Variants in KIF11 observed in about 807,000 individuals in gnomAD.
KIF11 encodes the protein kinesin family member 11.
KIF11 carries 9 observed loss-of-function variants against 121.0 expected under a neutral mutation model. The observed-to-expected ratio is 0.07, with a 90% CI of 0.04 to 0.13. The LOEUF is 0.13. KIF11 is among the 10% of genes least tolerant of loss of function. The pLI is 1.00. For synonymous variants in KIF11, 408 were observed against 421.0 expected (o/e 0.97, Z 0.38); for missense variants, 846 against 1,217.5 (o/e 0.69, Z 4.54).
At chr10:92,626,965 T>C (rs979570771) in intron 10 of KIF11, among the ~76,000 whole-genome samples, 1 of 152,150 alleles carries the variant, frequency 6.6e-6, no homozygotes, top group Non-Finnish European at 1.5e-5. Flanking sequence ...GGTTTCACCA[T>C]GTTAGCCAGG....
intron 21 of KIF11, among the ~76,000 whole-genome samples, 170 bp from the exon 22 acceptor site, chr10:92,653,495 A>G (rs528137272): frequency 6.6e-6 from 1 of 152,352 alleles, no homozygotes; most frequent in South Asian, 2.1e-4. Flanking sequence ...TAAAGAAGGC[A>G]TTTGGCGCTA....
intron 10 of KIF11, among the ~76,000 whole-genome samples, chr10:92,627,397 ACTT>A (rs1273672421): frequency 6.6e-6 from 1 of 152,092 alleles, no homozygotes; most frequent in Non-Finnish European, 1.5e-5. Flanking sequence ...ACTTTTTATG[ACTT>A]CTTTTGACTT....
intron 1 of KIF11, among the ~76,000 whole-genome samples, chr10:92,601,235 C>G (rs963686827): frequency 2.6e-5 from 4 of 151,606 alleles, no homozygotes; most frequent in African/African-American, 9.7e-5. Flanking sequence ...GAGTCTCGCT[C>G]TGTTGCCCAG....
At chr10:92,612,206 G>T (rs1844505359) in intron 6 of KIF11, among the ~76,000 whole-genome samples, 1 of 151,874 alleles carries the variant, frequency 6.6e-6, no homozygotes, top group Admixed American at 6.6e-5. Context: ...CTCAATCATG[G>T]CTTACTGCAG....
chr10:92,648,880 AC>A (rs1429434140), intron 19 of KIF11, among the ~76,000 whole-genome samples: 4 of 152,180 alleles, frequency 2.6e-5, no homozygotes, highest in African/African-American at 9.7e-5. Flanking sequence ...ATCACCATGG[AC>A]CATTAGCATT....
chr10:92,613,093 A>G lies in KIF11; in HGVS notation c.752A>G (p.Asp251Gly). Residue 251 changes from aspartate (D) to glycine (G), a missense_variant, in exon 7 of 22, where the codon GAT becomes GGT. By Grantham distance (94) the Asp-to-Gly change is moderately conservative. Around this residue, in one of 5 missense-constraint regions of KIF11, gnomAD observed 116 missense variants for 285.3 expected, o/e 0.41. Transcript: ENST00000260731. The surrounding 1 kb of genome is among the most constrained non-coding windows in gnomAD (Gnocchi z 4.2). ...ATACATATGAAAGAAACTACGATTGATGGAGAAGAGCTTGTTAAAATCGGA... is the reference window on the plus strand; with the variant it reads ...ATACATATGAAAGAAACTACGATTGGTGGAGAAGAGCTTGTTAAAATCGGA... ...VTIHMKETTI[D>G]GEELVKIGKL... 6.2e-7 allele frequency: 1 copy of G among 1,612,662 alleles called. No individual in the cohort carries two copies. The highest frequency in any genetic ancestry group is 8.5e-7 in the Non-Finnish European group (1 of 1,179,000).
Position 92,637,207 on chromosome 10 carries a change from A to G in KIF11, c.1899A>G (p.Leu633=), listed in dbSNP as rs756198901. ...ELINVLKTDL[L]SSLEMILSPT... Reference sequence around the variant, plus strand: ...AGAATGTACTCAAGACTGATCTTCTAAGTTCACTGGAAATGATTTTATCCC... The same window carrying G: ...AGAATGTACTCAAGACTGATCTTCTGAGTTCACTGGAAATGATTTTATCCC... The change falls in exon 15 of 22, where the codon CTA becomes CTG. Residue 633 remains leucine, a synonymous_variant. Coordinates refer to ENST00000260731, the MANE Select transcript of KIF11 (RefSeq NM_004523.4). 2 of 1,585,612 alleles carry G rather than the reference A, an allele frequency of 1.3e-6. No homozygotes were observed. The highest frequency in any genetic ancestry group is 2.2e-5 in the East Asian group (1 of 44,628).
In KIF11 at chr10:92,617,184, T is replaced by C. The variant is rs529788786; in HGVS notation, c.1128+352T>C. Among the ~76,000 whole-genome samples, 4 of 152,366 alleles carry C rather than the reference T, an allele frequency of 2.6e-5. No individual in the cohort carries two copies. In the East Asian group the frequency reaches 5.8e-4, roughly 22 times the overall value. On this transcript the variant is annotated intron_variant, in intron 9 of 21. Transcript: ENST00000260731. ...AGTGCATTTACAGAGTTGTGGAGTA[T>C]AACCACGATCTAGTTTTAGAAAATT...
At chr10:92,598,074 CTT>C (rs1449973013) in intron 1 of KIF11, among the ~76,000 whole-genome samples, 1 of 150,180 alleles carries the variant, frequency 6.7e-6, no homozygotes, top group African/African-American at 2.5e-5. Context: ...GGGATGCTGT[CTT>C]TTGATACACA....
At chr10:92,614,689 A>T (rs1240280550) in intron 8 of KIF11, among the ~76,000 whole-genome samples, 1 of 152,178 alleles carries the variant, frequency 6.6e-6, no homozygotes, top group Non-Finnish European at 1.5e-5. Flanking sequence ...GATGTGTGAG[A>T]ACAGAGAGGA....
At chr10:92,619,150 G>A (rs1177100442) in intron 9 of KIF11, among the ~76,000 whole-genome samples, 1 of 152,088 alleles carries the variant, frequency 6.6e-6, no homozygotes, top group South Asian at 2.1e-4. Flanking sequence ...CCAAGTAGCT[G>A]GGATTACAGG....
intron 18 of KIF11, among the ~76,000 whole-genome samples, chr10:92,646,390 T>G (rs1400098418): frequency 6.6e-6 from 1 of 152,218 alleles, no homozygotes; most frequent in African/African-American, 2.4e-5. Context: ...GAGCCCTTTG[T>G]AACTTGGTTT....
intron 1 of KIF11, among the ~76,000 whole-genome samples, chr10:92,595,503 A>G (rs1207373584): frequency 6.6e-6 from 1 of 152,090 alleles, no homozygotes; most frequent in African/African-American, 2.4e-5. Context: ...ATAATGCGCT[A>G]CTGGTTCTCT....
In KIF11 at chr10:92,649,120, C is replaced by CTTT. The variant is rs11285704; in HGVS notation, c.2770+696_2770+698dup. 1.1e-3 allele frequency among the ~76,000 whole-genome samples: 160 copies of CTTT among 144,702 alleles called. 1 individual carries two copies. Among genetic ancestry groups the CTTT allele is most frequent in the African/African-American group, 3.8e-3 (153 of 40,162 alleles). 94.9% of individuals were successfully genotyped at this position (144,702 alleles called of 152,430 possible). A position where few individuals can be genotyped will look rare whatever the true frequency, so the allele number is the denominator to read the frequency against. Reference sequence around the variant, plus strand: ...GGTATGTAAATTATATCACAAAACTCTTTTTTTTTTTTAATTTAAAAAGCA... The same window carrying CTTT: ...GGTATGTAAATTATATCACAAAACTCTTTTTTTTTTTTTTTAATTTAAAAAGCA... On this transcript the variant is annotated intron_variant, in intron 19 of 21. Coordinates refer to ENST00000260731, the MANE Select transcript of KIF11 (RefSeq NM_004523.4).
chr10:92,599,773 C>T (rs1191275531), intron 1 of KIF11, among the ~76,000 whole-genome samples: 1 of 147,702 alleles, frequency 6.8e-6, no homozygotes, highest in Non-Finnish European at 1.5e-5. Flanking sequence ...CTGCCTCAGC[C>T]TCCCGAGTAG....
rs145592399 is a variant in KIF11, at chr10:92,601,372, T to C, written c.78-4893T>C. 2.0e-3 allele frequency among the ~76,000 whole-genome samples: 307 copies of C among 151,716 alleles called. 6 individuals carry two copies. Among genetic ancestry groups the C allele is most frequent in the African/African-American group, 7.3e-3 (302 of 41,360 alleles). The stretch of plus-strand genomic sequence containing the variant: ...TGTGCCACCATAAACAGCTAATTTT[T>C]TTTTTTTCTCGTATTTTTAGTAGAG... On this transcript the variant is annotated intron_variant, in intron 1 of 21. Transcript: ENST00000260731.
chr10:92,637,148 C>A (rs1783882993), intron 14 of KIF11, 36 bp from the exon 15 acceptor site: 4 of 1,487,982 alleles, frequency 2.7e-6, no homozygotes, highest in Non-Finnish European at 2.7e-6. Flanking sequence ...TGGAAATATT[C>A]TTTTTAAAGA....
At chr10:92,616,242 C>T (rs1844556668) in intron 8 of KIF11, among the ~76,000 whole-genome samples, 1 of 150,124 alleles carries the variant, frequency 6.7e-6, no homozygotes, top group African/African-American at 2.5e-5. Flanking sequence ...CAAGGTCCCT[C>T]TCTGTTGGCT....
intron 14 of KIF11, among the ~76,000 whole-genome samples, chr10:92,636,406 C>A (rs1238162676): frequency 6.6e-6 from 1 of 151,870 alleles, no homozygotes; most frequent in Non-Finnish European, 1.5e-5. Context: ...CACTTGAGGT[C>A]AGGAGTTCGA....
Sources: gnomAD v4.1 joint callset for allele counts (sites outside exome capture counted in the v4.1 genomes callset) on GRCh38, gnomAD v4.1.1 for gene constraint, gnomAD v4.1.1 regional missense constraint, Gnocchi (gnomAD v3.1) non-coding constraint, MANE v1.5 for transcripts, NCBI Gene and HGNC (gene_info 2026-07-23, HGNC 2026-07-21) for gene names.